HMCN1: variants seen among roughly 807,000 people sequenced by gnomAD.
HMCN1 encodes the protein hemicentin 1.
HMCN1 carries 321 observed loss-of-function variants against 625.9 expected under a neutral mutation model. The ratio of observed to expected loss-of-function variants is 0.51; its 90% CI spans 0.47 to 0.56. The LOEUF is 0.56. Ranked by LOEUF, HMCN1 falls within the 20% of genes least tolerant of loss-of-function variation. The probability of loss-of-function intolerance (pLI) is 0.00; values close to 1 mark genes in which losing one functional copy is unlikely to be tolerated. For synonymous variants in HMCN1, 2,425 were observed against 2,417.6 expected (o/e 1.00, Z -0.09); for missense variants, 6,588 against 6,887.3 (o/e 0.96, Z 1.54).
At chr1:185,982,413 A>G in intron 18 of HMCN1, 24 bp downstream of exon 18, 2 of 1,594,086 alleles carry the variant, frequency 1.3e-6, no homozygotes, top group Non-Finnish European at 1.7e-6. Context: ...AAATGCATGC[A>G]TTCACATTCT....
At chr1:186,112,282 A>C (rs567379466) in intron 71 of HMCN1, among the ~76,000 whole-genome samples, 1 of 152,360 alleles carries the variant, frequency 6.6e-6, no homozygotes, top group East Asian at 1.9e-4. Flanking sequence ...TTCAAATTCA[A>C]ACCAACTTAA....
intron 36 of HMCN1, 119 bp downstream of exon 36, chr1:186,023,272 ATAAAAAAAACC>A: frequency 1.2e-6 from 1 of 858,546 alleles, no homozygotes; most frequent in Non-Finnish European, 1.8e-6. Flanking sequence ...CTTAGTCTGT[ATAAAAAAAACC>A]TAGGGTTTTT....
At position 185,734,951 on chromosome 1, in the gene HMCN1, C is replaced by G; in HGVS notation, c.172C>G (p.Gln58Glu). 6.2e-7 allele frequency: 1 copy of G among 1,614,050 alleles called. No homozygotes were observed. Among genetic ancestry groups the G allele is most frequent in the Non-Finnish European group, 8.5e-7 (1 of 1,180,010 alleles). Residue 58 changes from glutamine (Q) to glutamate (E), a missense_variant, in exon 1 of 107, where the codon CAG (glutamine) becomes GAG (glutamate). Gln to Glu is a conservative substitution (Grantham distance 29). Around this residue, in one of 3 missense-constraint regions of HMCN1, gnomAD observed 4,628 missense variants for 4,853.1 expected, o/e 0.95. Transcript: ENST00000271588. ...TGGTTCTATGTATGATGATTTAGTT[C>G]AGGTGATTGAAGGGGCTTCCAAAAT... is the stretch of plus-strand genomic sequence containing the variant. ...VTGSMYDDLVQVIEGASKILE... is the reference protein window; with the variant it reads ...VTGSMYDDLVEVIEGASKILE...
At chr1:186,019,433 TG>T in intron 34 of HMCN1, 107 bp from the exon 35 acceptor site, 1 of 768,674 alleles carries the variant, frequency 1.3e-6, no homozygotes, top group Non-Finnish European at 2.2e-6. Flanking sequence ...AATAGGGATT[TG>T]CTTTTTTTTT....
Position 186,123,174 on chromosome 1 carries a change from C to G in HMCN1, c.12453C>G (p.Ala4151=). The G allele has an allele frequency of 6.2e-7, 1 of 1,613,950 alleles. No individual in the cohort carries two copies. The highest frequency in any genetic ancestry group is 2.2e-5 in the East Asian group (1 of 44,856). Residue 4151 remains alanine, a synonymous_variant, in exon 81 of 107, where the codon GCC becomes GCG. Coordinates refer to ENST00000271588, the MANE Select transcript of HMCN1 (RefSeq NM_031935.3). Reference sequence around the variant, plus strand: ...CTGGCCATTACACGTGCATGGCAGCCAATGTAGCAGGATCAAGCAGCACAA... The same window carrying G: ...CTGGCCATTACACGTGCATGGCAGCGAATGTAGCAGGATCAAGCAGCACAA... ...GDAGHYTCMA[A]NVAGSSSTST...
intron 101 of HMCN1, 54 bp from the exon 102 acceptor site, chr1:186,171,952 A>G: frequency 6.4e-7 from 1 of 1,557,544 alleles, no homozygotes; most frequent in Non-Finnish European, 8.8e-7. Flanking sequence ...ATTTCTCTGG[A>G]AAAGTTGAAT....
At position 185,994,829 on chromosome 1, in the gene HMCN1, C is replaced by G. The variant is rs1468012804; in HGVS notation, c.3520C>G (p.Gln1174Glu). 1.2e-6 allele frequency: 2 copies of G among 1,613,250 alleles called. No individual in the cohort carries two copies. The highest frequency in any genetic ancestry group is 1.1e-5 in the South Asian group (1 of 91,084). ...KLNVHVPPKIQRGPKHLKVQV... is the reference protein window; with the variant it reads ...KLNVHVPPKIERGPKHLKVQV... ...ATTATTTCTAGTTCCTCCAAAGATACAGCGTGGACCTAAACATCTCAAAGT... is the reference window on the plus strand; with the variant it reads ...ATTATTTCTAGTTCCTCCAAAGATAGAGCGTGGACCTAAACATCTCAAAGT... Residue 1174 changes from glutamine (Q) to glutamate (E), a missense_variant, in exon 24 of 107, where the codon CAG (glutamine) becomes GAG (glutamate). Transcript: ENST00000271588.
intron 15 of HMCN1, among the ~76,000 whole-genome samples, chr1:185,975,598 C>T (rs1369999275): frequency 2.6e-5 from 4 of 152,032 alleles, no homozygotes; most frequent in Non-Finnish European, 4.4e-5. Context: ...AGATCCAAAC[C>T]GTATCACTTA....
In HMCN1 at chr1:186,001,638, A is replaced by G; in HGVS notation, c.4245A>G (p.Ile1415Met). Residue 1415 changes from isoleucine to methionine, a missense_variant, in exon 28 of 107, where the codon ATA becomes ATG. Physicochemically the swap from Ile to Met is conservative, Grantham distance 10 (BLOSUM62 1). Coordinates refer to ENST00000271588, the MANE Select transcript of HMCN1 (RefSeq NM_031935.3). ...TTCAGACTGTGAACAATGGGAAGAT[A>G]CTGAAGCTCTTCAGAGCCACTCCAG... ...STIQTVNNGK[I>M]LKLFRATPED... 3 of 1,613,212 alleles carry G rather than the reference A, an allele frequency of 1.9e-6. No homozygotes were observed. The highest frequency in any genetic ancestry group is 2.5e-6 in the Non-Finnish European group (3 of 1,179,344).
At chr1:185,959,511 G>A (rs911696836) in intron 11 of HMCN1, among the ~76,000 whole-genome samples, 4 of 152,092 alleles carry the variant, frequency 2.6e-5, no homozygotes, top group Admixed American at 1.3e-4. Context: ...ACAAAAACAT[G>A]TATTTCGCTT....
intron 11 of HMCN1, among the ~76,000 whole-genome samples, chr1:185,952,415 C>T (rs895880735): frequency 6.6e-6 from 1 of 151,412 alleles, no homozygotes; most frequent in Non-Finnish European, 1.5e-5. Context: ...AAAGACTCAG[C>T]GACGCTTGGG....
intron 24 of HMCN1, among the ~76,000 whole-genome samples, chr1:185,996,352 A>G (rs190031123): frequency 1.3e-5 from 2 of 152,212 alleles, no homozygotes; most frequent in Admixed American, 6.6e-5. Flanking sequence ...TTTTGGAGAC[A>G]CTGGGATCAG....
At position 185,970,449 on chromosome 1, in the gene HMCN1, A is replaced by G. The variant is rs1484169987; in HGVS notation, c.2327A>G (p.Asn776Ser). 5.0e-6 allele frequency: 8 copies of G among 1,613,800 alleles called. No homozygotes were observed. The highest frequency in any genetic ancestry group is 4.0e-5 in the African/African-American group (3 of 74,932). The change falls in exon 15 of 107, where the codon AAT becomes AGT. Residue 776 changes from asparagine to serine, a missense_variant. By Grantham distance (46) the Asn-to-Ser change is conservative (BLOSUM62 1). Coordinates refer to ENST00000271588, the MANE Select transcript of HMCN1 (RefSeq NM_031935.3). The stretch of plus-strand genomic sequence containing the variant: ...GGCGATTATACCTGTGTAGCCATCA[A>G]TGAGGCTGGAAGAGCAACTGGCAAG... ...DAGDYTCVAI[N>S]EAGRATGKIT...
chr1:186,046,765 G>T (rs145275531), intron 41 of HMCN1, among the ~76,000 whole-genome samples: 142 of 152,234 alleles, frequency 9.3e-4, no homozygotes, highest in African/African-American at 3.2e-3. Flanking sequence ...CAAAGTGAAT[G>T]TTTGGAAATA....
At chr1:186,069,852 G>C (rs1335353543) in intron 51 of HMCN1, 76 bp downstream of exon 51, 1 of 892,784 alleles carries the variant, frequency 1.1e-6, no homozygotes, top group Non-Finnish European at 1.8e-6. Flanking sequence ...TTTCATTATG[G>C]GTTCATAATT....
chr1:185,866,000 G>A (rs1370537521), intron 4 of HMCN1, 137 bp downstream of exon 4: 2 of 761,260 alleles, frequency 2.6e-6, no homozygotes, highest in African/African-American at 3.5e-5. Flanking sequence ...GTTCAATAAA[G>A]GCATTGAATA....
intron 29 of HMCN1, among the ~76,000 whole-genome samples, chr1:186,005,208 T>C (rs1187211942): frequency 6.9e-6 from 1 of 145,478 alleles, no homozygotes; most frequent in Non-Finnish European, 1.5e-5. Context: ...TAATTGTTTA[T>C]AAATGTTTAT....
chr1:186,020,171 C>T (rs1032485744), intron 35 of HMCN1, among the ~76,000 whole-genome samples: 1 of 151,854 alleles, frequency 6.6e-6, no homozygotes, highest in African/African-American at 2.4e-5. Context: ...TTTTATCGTT[C>T]ATAGTGAGTA....
At chr1:185,996,351 C>T (rs1212923086) in intron 24 of HMCN1, among the ~76,000 whole-genome samples, 1 of 152,080 alleles carries the variant, frequency 6.6e-6, no homozygotes, top group East Asian at 1.9e-4. Flanking sequence ...ATTTTGGAGA[C>T]ACTGGGATCA....
Sources: allele counts gnomAD v4.1 joint callset (sites outside exome capture counted in the v4.1 genomes callset), GRCh38; gene constraint gnomAD v4.1.1; regional missense constraint gnomAD v4.1.1; transcripts MANE v1.5; gene names NCBI Gene and HGNC (gene_info 2026-07-23, HGNC 2026-07-21).